Variants in DNAI1 observed in about 807,000 individuals in gnomAD.
DNAI1 encodes the protein dynein, axonemal, intermediate polypeptide 1.
Under a neutral mutation model 92.0 loss-of-function variants are expected in DNAI1, and 67 were observed. The observed-to-expected ratio is 0.73, with a 90% CI of 0.60 to 0.89. The LOEUF (loss-of-function observed/expected upper bound fraction) is 0.89, where lower values mean the gene tolerates loss of function less well. Ranked by LOEUF, DNAI1 falls within the 40% of genes least tolerant of loss-of-function variation. The pLI, the probability that DNAI1 is intolerant of heterozygous loss-of-function variation, is 0.00. For synonymous variants in DNAI1, 323 were observed against 319.6 expected (o/e 1.01, Z -0.11); for missense variants, 839 against 866.6 (o/e 0.97, Z 0.40).
chr9:34,496,706 C>T (rs1387335288), intron 9 of DNAI1, among the ~76,000 whole-genome samples: 2 of 152,172 alleles, frequency 1.3e-5, no homozygotes, highest in Non-Finnish European at 2.9e-5. Flanking sequence ...GGGAGTCTTT[C>T]ACTCTCTGAG....
chr9:34,482,842 G>A (rs909488289), intron 1 of DNAI1, among the ~76,000 whole-genome samples: 5 of 152,258 alleles, frequency 3.3e-5, no homozygotes, highest in Admixed American at 6.5e-5. Context: ...GGCTGGGGCC[G>A]CACAAGAGCC....
intron 12 of DNAI1, 144 bp downstream of exon 12, chr9:34,501,325 A>G (rs1239411680): frequency 4.0e-6 from 3 of 749,000 alleles, no homozygotes; most frequent in African/African-American, 1.7e-5. Context: ...AAGACCCACA[A>G]TCCTACTGGC....
chr9:34,517,421 ACAT>A lies in DNAI1; in HGVS notation c.1961_1963del (p.Ile654del). 2 of 1,614,224 alleles carry A rather than the reference ACAT, an allele frequency of 1.2e-6. No individual in the cohort carries two copies. Among genetic ancestry groups the A allele is most frequent in the Non-Finnish European group, 1.7e-6 (2 of 1,180,046 alleles). ...ATCATTGTGGGCGATGACCGTGGGC[ACAT>A]CATCAGCCTCAAGCTCTCACCCAAT... On this transcript the variant is annotated inframe_deletion, in exon 19 of 20. Transcript: ENST00000242317.
chr9:34,520,884 C>T lies in DNAI1; in HGVS notation c.*128C>T. On this transcript the variant is annotated 3_prime_UTR_variant, in exon 20 of 20. Transcript: ENST00000242317. ...TGATCAGGTCCCAGCATCTTCCCTTCTTGTTCTGTTCCTTAAGGTCCCAGC... is the reference window on the plus strand; with the variant it reads ...TGATCAGGTCCCAGCATCTTCCCTTTTTGTTCTGTTCCTTAAGGTCCCAGC... 18 of 917,682 alleles carry T rather than the reference C, an allele frequency of 2.0e-5. No homozygotes were observed. In the South Asian group the frequency reaches 2.5e-4, roughly 13 times the overall value. The allele number at this position is 917,682 out of a possible 1,614,324, so 56.8% of individuals were successfully genotyped here.
chr9:34,512,226 TG>T, intron 14 of DNAI1, 28 bp downstream of exon 14: 1 of 1,612,876 alleles, frequency 6.2e-7, no homozygotes, highest in East Asian at 2.2e-5. Context: ...AGGGTCACAC[TG>T]GGGTGATTGG....
At chr9:34,463,069 A>G (rs1823978161) in intron 1 of DNAI1, among the ~76,000 whole-genome samples, 1 of 152,226 alleles carries the variant, frequency 6.6e-6, no homozygotes, top group Admixed American at 6.5e-5. Flanking sequence ...ATTATCATTT[A>G]AATAGGATGG....
chr9:34,466,458 C>CT (rs370897091), intron 1 of DNAI1, among the ~76,000 whole-genome samples: 13 of 152,284 alleles, frequency 8.5e-5, no homozygotes, highest in African/African-American at 3.1e-4. Context: ...GCCTCTGTGT[C>CT]TTTGTTAATT....
intron 1 of DNAI1, among the ~76,000 whole-genome samples, chr9:34,461,436 G>A (rs1823949784): frequency 6.6e-6 from 1 of 152,194 alleles, no homozygotes; most frequent in African/African-American, 2.4e-5. Context: ...GAAGTTCCCT[G>A]TGCCTCATCC....
chr9:34,505,902 A>G (rs910511156), intron 12 of DNAI1, among the ~76,000 whole-genome samples: 5 of 152,346 alleles, frequency 3.3e-5, no homozygotes, highest in Admixed American at 6.5e-5. Flanking sequence ...GACTATGTTC[A>G]TGACTACATA....
chr9:34,478,549 A>G (rs1184332188), intron 1 of DNAI1: 1 of 152,228 alleles, frequency 6.6e-6, no homozygotes, highest in African/African-American at 2.4e-5. Context: ...TAGTGATCCA[A>G]AGACGAATAA....
Position 34,488,312 on chromosome 9 carries a change from G to A in DNAI1, c.262-1011G>A, listed in dbSNP as rs1824513920. ...AACTCTGCCTGCCTCCAAAGACCAT[G>A]CTCTTAACCACTGCACTGACTTGTC... On this transcript the variant is annotated intron_variant, in intron 4 of 19. Transcript: ENST00000242317. The A allele has an allele frequency of 1.8e-5, 3 of 171,242 alleles. No homozygotes were observed. The South Asian group carries it at 3.4e-4, about 19-fold the overall frequency. 10.6% of individuals were successfully genotyped at this position (171,242 alleles called of 1,614,324 possible). A position where few individuals can be genotyped will look rare whatever the true frequency, so the allele number is the denominator to read the frequency against.
intron 1 of DNAI1, among the ~76,000 whole-genome samples, chr9:34,465,107 A>C (rs1410308458): frequency 2.6e-5 from 4 of 152,228 alleles, no homozygotes; most frequent in Admixed American, 1.3e-4. Flanking sequence ...ATAACTTGGA[A>C]GTTATTGGGG....
chr9:34,514,449 C>T lies in DNAI1; in HGVS notation c.1625C>T (p.Ser542Leu). The T allele has an allele frequency of 1.2e-6, 2 of 1,614,254 alleles. No individual in the cohort carries two copies. The highest frequency in any genetic ancestry group is 2.2e-5 in the South Asian group (2 of 91,086). Residue 542 changes from serine (S) to leucine (L), a missense_variant, in exon 17 of 20, where the codon TCA becomes TTA. Physicochemically the swap from Ser to Leu is moderately radical, Grantham distance 145. Coordinates refer to ENST00000242317, the MANE Select transcript of DNAI1 (RefSeq NM_012144.4). Reference protein sequence around the residue: ...FLDTYDAHNMSVDTVSWNPYH... With the variant: ...FLDTYDAHNMLVDTVSWNPYH... ...GACACCTATGACGCCCACAACATGT[C>T]AGTGGACACTGTGTCCTGGAACCCA...
At chr9:34,518,621 T>G (rs1458636195) in intron 19 of DNAI1, among the ~76,000 whole-genome samples, 1 of 152,140 alleles carries the variant, frequency 6.6e-6, no homozygotes, top group African/African-American at 2.4e-5. Context: ...GAAGCATAAT[T>G]TGTGGAATAG....
At chr9:34,480,272 CTTTT>C (rs202115133) in intron 1 of DNAI1, among the ~76,000 whole-genome samples, 6 of 99,440 alleles carry the variant, frequency 6.0e-5, no homozygotes, top group Non-Finnish European at 1.0e-4. Context: ...TTTGGTGGAA[CTTTT>C]TTTTTTTTTT....
chr9:34,514,068 G>T (rs1372047337), intron 16 of DNAI1, among the ~76,000 whole-genome samples: 1 of 152,138 alleles, frequency 6.6e-6, no homozygotes, highest in Non-Finnish European at 1.5e-5. Context: ...CCTCACTCAG[G>T]GCCTGAGACC....
chr9:34,491,525 A>C lies in DNAI1; in HGVS notation c.652A>C (p.Arg218=). Residue 218 remains arginine, a synonymous_variant, in exon 8 of 20, where the codon AGG becomes CGG. Coordinates refer to ENST00000242317, the MANE Select transcript of DNAI1 (RefSeq NM_012144.4). ...DRECQTEPPP[R]TNFSATANQW... ...AGAATGCCAGACGGAGCCTCCTCCC[A>C]GGACAAACTTTTCAGCCACAGCCAA... The C allele has an allele frequency of 6.2e-7, 1 of 1,614,210 alleles. No homozygotes were observed. The highest frequency in any genetic ancestry group is 1.1e-5 in the South Asian group (1 of 91,084).
intron 4 of DNAI1, 30 bp from the exon 5 acceptor site, chr9:34,489,293 C>T (rs763305083): frequency 1.2e-6 from 2 of 1,613,322 alleles, no homozygotes; most frequent in East Asian, 4.5e-5. Flanking sequence ...TTTAGGGATC[C>T]CTGGTCTGAC....
chr9:34,489,010 G>A (rs1157998123), intron 4 of DNAI1, among the ~76,000 whole-genome samples: 3 of 152,192 alleles, frequency 2.0e-5, no homozygotes, highest in African/African-American at 7.2e-5. Context: ...GAAACCCTTG[G>A]CATGGAAGTA....
Sources: gnomAD v4.1 joint callset for allele counts (sites outside exome capture counted in the v4.1 genomes callset) on GRCh38, gnomAD v4.1.1 for gene constraint, MANE v1.5 for transcripts, NCBI Gene and HGNC (gene_info 2026-07-23, HGNC 2026-07-21) for gene names.